Variants in RFT1 observed in about 807,000 individuals in gnomAD.
RFT1 encodes the protein RFT1 glycolipid translocator homolog.
In RFT1, 43 loss-of-function variants were observed where a neutral mutation model predicts 62.2. That is an observed-to-expected ratio of 0.69 (90% confidence interval 0.54 to 0.89). RFT1 has a LOEUF of 0.89. Among genes scored for constraint, RFT1 ranks in the 40% least tolerant of loss-of-function variants. The pLI is 0.00. For missense variants in RFT1, 605 were observed against 649.9 expected (o/e 0.93, Z 0.75); for synonymous variants, 262 against 264.6 (o/e 0.99, Z 0.10).
chr3:53,126,085 T>C (rs890209403), intron 1 of RFT1, 91 bp from the exon 2 acceptor site: 11 of 1,018,688 alleles, frequency 1.1e-5, no homozygotes, highest in Admixed American at 2.0e-5. Flanking sequence ...TTCTTCCTAA[T>C]GTGATGTAAT....
At chr3:53,125,419 G>A (rs1196324696) in intron 2 of RFT1, among the ~76,000 whole-genome samples, 1 of 152,188 alleles carries the variant, frequency 6.6e-6, no homozygotes, top group Non-Finnish European at 1.5e-5. Context: ...GAGCCTCCAA[G>A]AAACTGATGA....
chr3:53,069,153 T>G, the RFT1 span, among the ~76,000 whole-genome samples: 1 of 152,216 alleles, frequency 6.6e-6, no homozygotes, highest in South Asian at 2.1e-4. Flanking sequence ...TTGGCGAGAC[T>G]GGTCTCGAAC....
rs1702004226 is a variant in RFT1, at chr3:53,122,671, A to G, written c.267-108T>C. 4 of 653,676 alleles carry G rather than the reference A, an allele frequency of 6.1e-6. No homozygotes were observed. In the Admixed American group the frequency reaches 1.5e-4, roughly 24 times the overall value. 40.5% of individuals were successfully genotyped at this position (653,676 alleles called of 1,614,324 possible). A position where few individuals can be genotyped will look rare whatever the true frequency, so the allele number is the denominator to read the frequency against. On this transcript the variant is annotated intron_variant, in intron 3 of 12. Coordinates refer to ENST00000296292, the MANE Select transcript of RFT1 (RefSeq NM_052859.4). ...AATAGTTATAATACAAACAGCTACC[A>G]TTTATTTATAAGATACTAACTACAT... is the stretch of plus-strand genomic sequence containing the variant.
intron 6 of RFT1, among the ~76,000 whole-genome samples, chr3:53,119,383 C>T (rs1464734175): frequency 6.6e-6 from 1 of 152,240 alleles, no homozygotes; most frequent in African/African-American, 2.4e-5. Context: ...GCTGTCCTCA[C>T]TCTGACCCTC....
the RFT1 span, among the ~76,000 whole-genome samples, chr3:53,080,252 C>T: frequency 6.6e-6 from 1 of 152,142 alleles, no homozygotes; most frequent in Non-Finnish European, 1.5e-5. Flanking sequence ...GGGAGGTGTG[C>T]GGAATGTGTG....
At chr3:53,082,667 T>C in the RFT1 span, among the ~76,000 whole-genome samples, 1 of 151,448 alleles carries the variant, frequency 6.6e-6, no homozygotes, top group Non-Finnish European at 1.5e-5. Context: ...ATAGATGGAG[T>C]CTGTTGTGAA....
the RFT1 span, among the ~76,000 whole-genome samples, chr3:53,080,937 C>T: frequency 6.6e-6 from 1 of 152,236 alleles, no homozygotes; most frequent in African/African-American, 2.4e-5. Context: ...CCACCACACA[C>T]ACCTGCCTTT....
rs1273992282 is a variant in RFT1 at position 53,092,431 on chromosome 3, G to A, written c.1396C>T (p.His466Tyr). 6.8e-6 allele frequency: 11 copies of A among 1,610,648 alleles called. No homozygotes were observed. The highest frequency in any genetic ancestry group is 2.2e-5 in the East Asian group (1 of 44,802). Residue 466 changes from histidine to tyrosine, a missense_variant, in exon 12 of 13, where the codon CAC (histidine) becomes TAC (tyrosine). His to Tyr is a moderately conservative substitution (Grantham distance 83, BLOSUM62 2). Coordinates refer to ENST00000296292, the MANE Select transcript of RFT1 (RefSeq NM_052859.4). ...RSPHRPLAGL[H>Y]LSPVLLGTFA... is the part of the protein sequence containing the mutation. ...GTCCCGAGCAGGACTGGCGATAGGTGCAGGCCAGCCAGGGGCCTGTGGGGG... is the reference window on the plus strand; with the variant it reads ...GTCCCGAGCAGGACTGGCGATAGGTACAGGCCAGCCAGGGGCCTGTGGGGG...
chr3:53,069,267 G>A, the RFT1 span, among the ~76,000 whole-genome samples: 2 of 152,160 alleles, frequency 1.3e-5, no homozygotes, highest in Non-Finnish European at 2.9e-5. Flanking sequence ...ACCAACTGTA[G>A]GCTAATGTCA....
chr3:53,087,875 A>C (rs1480566336), downstream of RFT1, among the ~76,000 whole-genome samples: 1 of 152,240 alleles, frequency 6.6e-6, no homozygotes, highest in East Asian at 1.9e-4. Flanking sequence ...AAAGGAAATA[A>C]ATCTTGATGG....
the RFT1 span, among the ~76,000 whole-genome samples, chr3:53,072,927 G>T: frequency 7.1e-6 from 1 of 140,952 alleles, no homozygotes; most frequent in East Asian, 1.9e-4. Flanking sequence ...GCCTGCTCTA[G>T]TGCCTGCCGC....
chr3:53,122,180 G>A (rs1041836906), intron 4 of RFT1, among the ~76,000 whole-genome samples, 194 bp downstream of exon 4: 1 of 152,152 alleles, frequency 6.6e-6, no homozygotes, highest in Non-Finnish European at 1.5e-5. Context: ...TGGTGAAACA[G>A]AGGTGAACTT....
At chr3:53,074,841 G>A in the RFT1 span, among the ~76,000 whole-genome samples, 4 of 152,182 alleles carry the variant, frequency 2.6e-5, no homozygotes, top group Non-Finnish European at 5.9e-5. Context: ...GCTAGGACTA[G>A]GGGGCAAGAA....
At chr3:53,097,713 C>T (rs1701183047) in intron 11 of RFT1, among the ~76,000 whole-genome samples, 1 of 152,260 alleles carries the variant, frequency 6.6e-6, no homozygotes. Context: ...AGATACACTC[C>T]TAGTCCTGCT....
At chr3:53,088,328 A>C (rs189410181), downstream of RFT1, among the ~76,000 whole-genome samples, 2 of 152,316 alleles carry the variant, frequency 1.3e-5, no homozygotes, top group African/African-American at 4.8e-5. Context: ...AAAGTCAAGA[A>C]GCCCAGTCCC....
intron 6 of RFT1, among the ~76,000 whole-genome samples, chr3:53,113,499 C>T (rs1046758568): frequency 2.0e-5 from 3 of 152,214 alleles, no homozygotes; most frequent in Non-Finnish European, 4.4e-5. Flanking sequence ...CAAGGGCAGG[C>T]CTGGAACCTG....
chr3:53,116,291 C>CTTT (rs71087059), intron 6 of RFT1, among the ~76,000 whole-genome samples: 1 of 113,656 alleles, frequency 8.8e-6, no homozygotes, highest in Non-Finnish European at 1.8e-5. Context: ...CATCTCATTT[C>CTTT]TTTTTTTTTT....
At chr3:53,119,603 T>C (rs1455540240) in intron 6 of RFT1, among the ~76,000 whole-genome samples, 1 of 152,150 alleles carries the variant, frequency 6.6e-6, no homozygotes, top group Non-Finnish European at 1.5e-5. Flanking sequence ...GGTGCTCCAC[T>C]GAGGGGTGGT....
At chr3:53,103,261 A>G (rs1028730434) in intron 10 of RFT1, 3 of 985,412 alleles carry the variant, frequency 3.0e-6, no homozygotes, top group Non-Finnish European at 3.6e-6. Context: ...GTTCTTGTCC[A>G]GCGACCTGAG....
Sources: allele counts gnomAD v4.1 joint callset (sites outside exome capture counted in the v4.1 genomes callset), GRCh38; gene constraint gnomAD v4.1.1; transcripts MANE v1.5; gene names NCBI Gene and HGNC (gene_info 2026-07-23, HGNC 2026-07-21).